The following NRG1 variants were observed in gnomAD, a reference collection of about 807,000 sequenced individuals.
The protein encoded by NRG1 is pro-neuregulin-1, membrane-bound isoform.
In NRG1, 18 loss-of-function variants were observed where a neutral mutation model predicts 63.8. The observed-to-expected ratio is 0.28, with a 90% CI of 0.19 to 0.42. The LOEUF (loss-of-function observed/expected upper bound fraction) is 0.42, where lower values mean the gene tolerates loss of function less well. Among genes scored for constraint, NRG1 ranks in the 10% least tolerant of loss-of-function variants. The pLI is 1.00. For synonymous variants in NRG1, 302 were observed against 301.3 expected (o/e 1.00, Z -0.02); for missense variants, 762 against 814.7 (o/e 0.94, Z 0.79).
intron 1 of NRG1, among the ~76,000 whole-genome samples, chr8:32,222,734 C>T (rs956453310): frequency 6.6e-6 from 1 of 152,168 alleles, no homozygotes; most frequent in Admixed American, 6.5e-5. Context: ...TCCCTGGAAA[C>T]AGGAGTTCTA....
intron 1 of NRG1, among the ~76,000 whole-genome samples, chr8:31,673,843 C>T (rs561342164): frequency 3.3e-5 from 5 of 152,214 alleles, no homozygotes; most frequent in African/African-American, 1.2e-4. Context: ...TTAAAGTATA[C>T]TGTTCAATGA....
chr8:31,745,194 T>A (rs544952185), intron 1 of NRG1, among the ~76,000 whole-genome samples: 2 of 151,998 alleles, frequency 1.3e-5, no homozygotes, highest in African/African-American at 4.8e-5. Flanking sequence ...GATAGAGATG[T>A]TTGAAACCTG....
chr8:32,378,568 G>C (rs898618227), intron 1 of NRG1, among the ~76,000 whole-genome samples: 2 of 152,142 alleles, frequency 1.3e-5, no homozygotes, highest in Admixed American at 6.6e-5. Context: ...GATTTGCCCT[G>C]ATTCTTGGAG....
chr8:32,276,155 T>C (rs1364678658), intron 1 of NRG1, among the ~76,000 whole-genome samples: 1 of 152,190 alleles, frequency 6.6e-6, no homozygotes, highest in African/African-American at 2.4e-5. Context: ...CCTATCTAGC[T>C]GTAACTTTGT....
chr8:31,829,162 T>A (rs188765427), intron 1 of NRG1, among the ~76,000 whole-genome samples: 1 of 152,330 alleles, frequency 6.6e-6, no homozygotes, highest in Non-Finnish European at 1.5e-5. Context: ...CTTCTAGAAT[T>A]GTCTTAATGC....
At chr8:32,147,261 G>A (rs1233275107) in intron 1 of NRG1, among the ~76,000 whole-genome samples, 3 of 152,090 alleles carry the variant, frequency 2.0e-5, no homozygotes, top group Non-Finnish European at 4.4e-5. Context: ...TGGAATGTAC[G>A]CTAAGTAGAT....
chr8:32,548,537 G>C, exon 1 of NRG1: 1 of 1,250,696 alleles, frequency 8.0e-7, no homozygotes, highest in Non-Finnish European at 1.0e-6. Flanking sequence ...CAGGTGGCCG[G>C]ACCGCCCGCC....
intron 1 of NRG1, among the ~76,000 whole-genome samples, chr8:32,073,113 T>C (rs1169269479): frequency 6.6e-6 from 1 of 152,186 alleles, no homozygotes; most frequent in Non-Finnish European, 1.5e-5. Context: ...CTGAAGATAT[T>C]CCATTGAGAG....
intron 1 of NRG1, among the ~76,000 whole-genome samples, chr8:32,280,702 T>G (rs866748284): frequency 0.03 from 3,519 of 115,708 alleles, 58 homozygotes; most frequent in Middle Eastern, 0.066. Context: ...TTTTTTTTTT[T>G]TTTTTTTTTT....
chr8:32,140,919 A>T (rs1017282135), intron 1 of NRG1, among the ~76,000 whole-genome samples: 1 of 151,432 alleles, frequency 6.6e-6, no homozygotes, highest in African/African-American at 2.4e-5. Context: ...TTGACCTTTG[A>T]GCCCTTAAGT....
chr8:31,758,288 T>A (rs1249016517), intron 1 of NRG1, among the ~76,000 whole-genome samples: 1 of 152,118 alleles, frequency 6.6e-6, no homozygotes, highest in Non-Finnish European at 1.5e-5. Context: ...CAACTCCCAC[T>A]TATGAGTGAG....
intron 1 of NRG1, among the ~76,000 whole-genome samples, chr8:31,919,454 T>C (rs1427042558): frequency 3.9e-5 from 6 of 151,994 alleles, no homozygotes; most frequent in Non-Finnish European, 8.8e-5. Flanking sequence ...CAACTACCTT[T>C]AGTATGAGAT....
intron 1 of NRG1, among the ~76,000 whole-genome samples, chr8:32,181,839 GA>G (rs200785072): frequency 4.3e-4 from 65 of 149,644 alleles, no homozygotes; most frequent in African/African-American, 1.5e-3. Context: ...ATTTATAACT[GA>G]AAAAAAAACT....
At chr8:32,082,524 A>G (rs1184146944) in intron 1 of NRG1, among the ~76,000 whole-genome samples, 1 of 152,092 alleles carries the variant, frequency 6.6e-6, no homozygotes, top group Non-Finnish European at 1.5e-5. Flanking sequence ...CATTCTTGCC[A>G]TGAAAAACAA....
At chr8:32,405,373 A>G (rs1201547531) in intron 1 of NRG1, among the ~76,000 whole-genome samples, 2 of 152,222 alleles carry the variant, frequency 1.3e-5, no homozygotes, top group African/African-American at 2.4e-5. Context: ...CCTGTTTAAT[A>G]TTAAATAAGC....
At chr8:32,159,551 A>G (rs1238266158) in intron 1 of NRG1, among the ~76,000 whole-genome samples, 1 of 151,730 alleles carries the variant, frequency 6.6e-6, no homozygotes, top group Non-Finnish European at 1.5e-5. Context: ...AAAAAAAAAA[A>G]AAAAAAAGAA....
intron 1 of NRG1, among the ~76,000 whole-genome samples, chr8:32,344,180 T>A (rs1401623411): frequency 6.6e-6 from 1 of 152,208 alleles, no homozygotes; most frequent in East Asian, 1.9e-4. Context: ...CAGATAGCAT[T>A]ACTTTAATTT....
intron 1 of NRG1, among the ~76,000 whole-genome samples, chr8:32,095,557 C>T (rs1587101909): frequency 6.6e-6 from 1 of 152,014 alleles, no homozygotes; most frequent in African/African-American, 2.4e-5. Context: ...TTTTAATTGT[C>T]CATATGAAAA....
intron 1 of NRG1, among the ~76,000 whole-genome samples, chr8:32,203,884 T>C (rs1231961065): frequency 6.6e-6 from 1 of 151,986 alleles, no homozygotes; most frequent in Non-Finnish European, 1.5e-5. Flanking sequence ...GTAATACCCA[T>C]GGATAGTTCT....
Sources: gnomAD v4.1 joint callset for allele counts (sites outside exome capture counted in the v4.1 genomes callset) on GRCh38, gnomAD v4.1.1 for gene constraint, MANE v1.5 for transcripts, NCBI Gene and HGNC (gene_info 2026-07-23, HGNC 2026-07-21) for gene names.